CEP83: variants seen among roughly 807,000 people sequenced by gnomAD.
The protein encoded by CEP83 is centrosomal protein 83.
CEP83 carries 70 observed loss-of-function variants against 101.9 expected under a neutral mutation model. The observed-to-expected ratio is 0.69, with a 90% CI of 0.57 to 0.84. CEP83 has a LOEUF of 0.84. Among genes scored for constraint, CEP83 ranks in the 40% least tolerant of loss-of-function variants. The probability of loss-of-function intolerance (pLI) is 0.00; values close to 1 mark genes in which losing one functional copy is unlikely to be tolerated. For missense variants in CEP83, 715 were observed against 787.2 expected, an observed-to-expected ratio of 0.91 and a Z score of 1.10; for synonymous variants, 264 against 267.9, an observed-to-expected ratio of 0.99 and a Z score of 0.14.
the CEP83 span, chr12:94,297,170 C>T: frequency 1.2e-6 from 2 of 1,613,286 alleles, no homozygotes; most frequent in Middle Eastern, 1.7e-4. Context: ...CTTTCTCTCC[C>T]TCTTTCTCTG....
chr12:94,433,084 G>C (rs2065759441), intron 2 of CEP83, among the ~76,000 whole-genome samples: 1 of 152,110 alleles, frequency 6.6e-6, no homozygotes, highest in Admixed American at 6.5e-5. Flanking sequence ...AGTGGTGGAG[G>C]GCAGAGGAGA....
At chr12:94,400,276 CAA>C (rs898476805) in intron 6 of CEP83, among the ~76,000 whole-genome samples, 4 of 152,020 alleles carry the variant, frequency 2.6e-5, no homozygotes, top group Non-Finnish European at 5.9e-5. Flanking sequence ...AACTAGGAGA[CAA>C]ACCACAAAAC....
At chr12:94,433,189 T>A (rs1481433435) in intron 2 of CEP83, among the ~76,000 whole-genome samples, 1 of 152,178 alleles carries the variant, frequency 6.6e-6, no homozygotes, top group Admixed American at 6.5e-5. Flanking sequence ...TGAAAGATTT[T>A]AAACTTTTAG....
At chr12:94,442,532 A>G (rs1245654803) in intron 1 of CEP83, among the ~76,000 whole-genome samples, 5 of 151,432 alleles carry the variant, frequency 3.3e-5, no homozygotes, top group Non-Finnish European at 7.4e-5. Flanking sequence ...TTTTTTTTTT[A>G]GAAAAAACAC....
chr12:94,455,572 G>T (rs1447632126), intron 1 of CEP83, among the ~76,000 whole-genome samples: 3 of 152,164 alleles, frequency 2.0e-5, no homozygotes, highest in African/African-American at 7.2e-5. Flanking sequence ...AAAACTACAT[G>T]GACATTTTAT....
chr12:94,431,428 C>A (rs1414110938), intron 2 of CEP83, among the ~76,000 whole-genome samples: 1 of 151,802 alleles, frequency 6.6e-6, no homozygotes, highest in Non-Finnish European at 1.5e-5. Context: ...AAAACAAGAA[C>A]AAAAATAGAC....
chr12:94,363,786 A>G (rs11107519), intron 11 of CEP83, among the ~76,000 whole-genome samples: 1 of 151,752 alleles, frequency 6.6e-6, no homozygotes, highest in Non-Finnish European at 1.5e-5. Context: ...GCATCTCTAC[A>G]AAAATACAAA....
chr12:94,296,871 C>T, the CEP83 span, among the ~76,000 whole-genome samples: 120 of 152,266 alleles, frequency 7.9e-4, 1 homozygote, highest in East Asian at 0.022. Context: ...GCTATATGCC[C>T]AGTAGTCCCT....
At chr12:94,335,263 GGAT>G (rs1214104921) in intron 12 of CEP83, among the ~76,000 whole-genome samples, 2 of 151,824 alleles carry the variant, frequency 1.3e-5, no homozygotes, top group Admixed American at 1.3e-4. Flanking sequence ...CTTAAAACCT[GGAT>G]GATATTTCTA....
chr12:94,331,286 TCAG>T (rs1565922554), intron 14 of CEP83, among the ~76,000 whole-genome samples: 1 of 48,780 alleles, frequency 2.1e-5, no homozygotes, highest in Non-Finnish European at 3.2e-5. Context: ...AGTCAGACTC[TCAG>T]AAAAAAAAAA....
At chr12:94,284,806 G>A in the CEP83 span, among the ~76,000 whole-genome samples, 1 of 152,174 alleles carries the variant, frequency 6.6e-6, no homozygotes, top group Non-Finnish European at 1.5e-5. Context: ...GATGGGGGCA[G>A]CCTCTTCAGG....
At chr12:94,434,455 C>T (rs1382190361) in intron 2 of CEP83, among the ~76,000 whole-genome samples, 1 of 151,912 alleles carries the variant, frequency 6.6e-6, no homozygotes, top group Admixed American at 6.6e-5. Context: ...ACAGCAGAGA[C>T]GTAAGAAAAC....
chr12:94,392,479 C>CA (rs2062610609), intron 6 of CEP83, among the ~76,000 whole-genome samples: 1 of 152,208 alleles, frequency 6.6e-6, no homozygotes, highest in Non-Finnish European at 1.5e-5. Context: ...CTCTGGGACA[C>CA]ATTTACAGCA....
upstream of CEP83, chr12:94,460,385 C>G (rs1377767967): frequency 6.5e-6 from 1 of 152,936 alleles, no homozygotes; most frequent in African/African-American, 2.4e-5. Flanking sequence ...GCCATCGTCC[C>G]CATGGGTGCA....
rs1364606215 is a variant in CEP83 at position 94,307,710 on chromosome 12, A to G, written c.*1103T>C. On this transcript the variant is annotated 3_prime_UTR_variant, in exon 17 of 17. Transcript: ENST00000397809. ...TTTTTTTTTTCAATTTTCTAGTTAT[A>G]ATAGTTTTTTTATTCTAAGTGGCTC... 1 of 151,310 alleles carries G rather than the reference A, an allele frequency of 6.6e-6. No individual in the cohort carries two copies. Among genetic ancestry groups the G allele is most frequent in the Non-Finnish European group, 1.5e-5 (1 of 67,836 alleles). The allele number at this position is 151,310 out of a possible 1,614,324, so 9.4% of individuals were successfully genotyped here.
chr12:94,436,699 C>T (rs149723171), intron 1 of CEP83, among the ~76,000 whole-genome samples: 8,617 of 151,660 alleles, frequency 0.057, 271 homozygotes, highest in Non-Finnish European at 0.072. Flanking sequence ...GGCACAGTGG[C>T]GTGCACCTGT....
the CEP83 span, chr12:94,298,588 C>T: frequency 1.0e-5 from 15 of 1,491,644 alleles, no homozygotes; most frequent in South Asian, 1.4e-4. Context: ...AAAACCACTA[C>T]CACAGTTTTT....
chr12:94,320,789 G>A (rs1033169506), intron 14 of CEP83, among the ~76,000 whole-genome samples: 6 of 152,076 alleles, frequency 3.9e-5, no homozygotes, highest in African/African-American at 1.4e-4. Flanking sequence ...TTCCTTTGTA[G>A]GTGACCTGCC....
chr12:94,439,584 G>A (rs1370279373), intron 1 of CEP83, among the ~76,000 whole-genome samples: 1 of 151,302 alleles, frequency 6.6e-6, no homozygotes, highest in Non-Finnish European at 1.5e-5. Context: ...AGGACCTGAT[G>A]GATTCACAGC....
Sources: allele counts gnomAD v4.1 joint callset (sites outside exome capture counted in the v4.1 genomes callset), GRCh38; gene constraint gnomAD v4.1.1; transcripts MANE v1.5; gene names NCBI Gene and HGNC (gene_info 2026-07-23, HGNC 2026-07-21).